The following TDRD5 variants were observed in gnomAD, a reference collection of about 807,000 sequenced individuals.
TDRD5 encodes tudor domain containing 5.
TDRD5 carries 41 observed loss-of-function variants against 120.6 expected under a neutral mutation model. That is an observed-to-expected ratio of 0.34 (90% CI 0.26 to 0.44). TDRD5 has a LOEUF of 0.44. Among genes scored for constraint, TDRD5 ranks in the 20% least tolerant of loss-of-function variants. The pLI is 1.00. For missense variants in TDRD5, 1,006 were observed against 1,221.2 expected (o/e 0.82, Z 2.63); for synonymous variants, 430 against 433.7 (o/e 0.99, Z 0.11).
chr1:179,669,383 G>A lies in TDRD5; in HGVS notation c.2839G>A (p.Ala947Thr), dbSNP rs201146333. ...PCSTTAVDDS[A>T]EKPSGSVESS... Reference sequence around the variant, plus strand: ...TTCAACAACTGCAGTGGATGATTCCGCAGAAAAGCCCTCTGGTTCTGGTAT... The same window carrying A: ...TTCAACAACTGCAGTGGATGATTCCACAGAAAAGCCCTCTGGTTCTGGTAT... Residue 947 changes from alanine (A) to threonine (T), a missense_variant, in exon 17 of 18, where the codon GCA (alanine) becomes ACA (threonine). Around this residue, in one of 3 missense-constraint regions of TDRD5, gnomAD observed 403 missense variants for 448.1 expected, o/e 0.90. Coordinates refer to ENST00000444136, the MANE Select transcript of TDRD5 (RefSeq NM_001199085.3). The A allele has an allele frequency of 1.0e-4, 167 of 1,614,106 alleles. 1 individual carries two copies. The Admixed American group carries it at 2.3e-3, about 23-fold the overall frequency.
At chr1:179,633,080 A>G (rs938823931) in intron 7 of TDRD5, among the ~76,000 whole-genome samples, 6 of 152,220 alleles carry the variant, frequency 3.9e-5, no homozygotes, top group Non-Finnish European at 7.3e-5. Context: ...AAGAAAGTCA[A>G]ACCACTGTGG....
At chr1:179,630,454 C>T (rs1170215898) in intron 6 of TDRD5, among the ~76,000 whole-genome samples, 1 of 150,310 alleles carries the variant, frequency 6.7e-6, no homozygotes, top group Non-Finnish European at 1.5e-5. Context: ...GTGCATTCTC[C>T]TCTTGTTTTT....
intron 12 of TDRD5, among the ~76,000 whole-genome samples, chr1:179,651,597 TG>T (rs1678715503): frequency 6.6e-6 from 1 of 152,236 alleles, no homozygotes; most frequent in Non-Finnish European, 1.5e-5. Flanking sequence ...CTGTCAATAA[TG>T]GACACATTTT....
At chr1:179,633,131 T>C (rs1380429162) in intron 7 of TDRD5, among the ~76,000 whole-genome samples, 3 of 152,196 alleles carry the variant, frequency 2.0e-5, no homozygotes, top group Non-Finnish European at 4.4e-5. Context: ...ACACTTCATA[T>C]ACTATGGGTG....
chr1:179,645,337 G>A (rs537452559), intron 11 of TDRD5, among the ~76,000 whole-genome samples: 7 of 151,758 alleles, frequency 4.6e-5, no homozygotes, highest in Non-Finnish European at 7.4e-5. Context: ...CGCCCGCCTC[G>A]GCCTCCCAAA....
intron 11 of TDRD5, among the ~76,000 whole-genome samples, chr1:179,648,457 G>A (rs538710224): frequency 5.5e-5 from 3 of 54,134 alleles, no homozygotes; most frequent in South Asian, 8.3e-4. Context: ...TGGGGTGGGG[G>A]GGGGGAGGGA....
rs181109608 is a variant in TDRD5, at chr1:179,639,870, C to G, written c.1552C>G (p.Arg518Gly). ...RCYSNQLVSD[R>G]YVMPECFIQP... The stretch of plus-strand genomic sequence containing the variant: ...TTATTCTAATCAGCTGGTTTCTGAT[C>G]GATATGTCATGCCAGAATGTTTTAT... Residue 518 changes from arginine (R) to glycine (G), a missense_variant, in exon 10 of 18, where the codon CGA becomes GGA. Physicochemically the swap from Arg to Gly is moderately radical, Grantham distance 125 (BLOSUM62 -2). Transcript: ENST00000444136. The G allele has an allele frequency of 6.2e-7, 1 of 1,614,010 alleles. No homozygotes were observed. The highest frequency in any genetic ancestry group is 2.2e-5 in the East Asian group (1 of 44,860).
At chr1:179,667,807 G>A (rs1208488597) in intron 16 of TDRD5, among the ~76,000 whole-genome samples, 2 of 151,990 alleles carry the variant, frequency 1.3e-5, no homozygotes, top group Admixed American at 1.3e-4. Flanking sequence ...TATACACACA[G>A]GCATTTATAT....
chr1:179,610,417 A>G (rs1456115495), intron 4 of TDRD5, among the ~76,000 whole-genome samples: 1 of 152,220 alleles, frequency 6.6e-6, no homozygotes, highest in Non-Finnish European at 1.5e-5. Flanking sequence ...AAAGATTATC[A>G]TGAATTGTTC....
intron 4 of TDRD5, 65 bp from the exon 5 acceptor site, chr1:179,618,534 G>T: frequency 8.1e-7 from 1 of 1,232,328 alleles, no homozygotes; most frequent in South Asian, 1.4e-5. Flanking sequence ...ATATTGCTTA[G>T]ATCTACCTTT....
At chr1:179,689,125 A>T (rs921814168) in intron 17 of TDRD5, among the ~76,000 whole-genome samples, 3 of 152,116 alleles carry the variant, frequency 2.0e-5, no homozygotes, top group Admixed American at 6.5e-5. Flanking sequence ...GGAGAAGAGG[A>T]GCTCTGATTT....
intron 6 of TDRD5, among the ~76,000 whole-genome samples, chr1:179,624,513 G>A (rs2101981524): frequency 1.3e-5 from 2 of 152,216 alleles, no homozygotes; most frequent in Middle Eastern, 6.8e-3. Flanking sequence ...TGTTCATATA[G>A]AATATACTAA....
chr1:179,630,811 A>G lies in TDRD5; in HGVS notation c.1017A>G (p.Leu339=). 2 of 1,614,020 alleles carry G rather than the reference A, an allele frequency of 1.2e-6. No individual in the cohort carries two copies. The highest frequency in any genetic ancestry group is 1.7e-6 in the Non-Finnish European group (2 of 1,180,000). Residue 339 remains leucine (L), a synonymous_variant, in exon 7 of 18, where the codon TTA becomes TTG. Coordinates refer to ENST00000444136, the MANE Select transcript of TDRD5 (RefSeq NM_001199085.3). ...TATCACCAAAAAAATTAGGCTTCTT[A>G]AATGTGACAGAACTTGTTGGAGCTC... ...EQLSPKKLGF[L]NVTELVGALS... is the part of the protein sequence containing the mutation.
intron 6 of TDRD5, among the ~76,000 whole-genome samples, chr1:179,626,768 A>G (rs1413831878): frequency 6.6e-6 from 1 of 152,202 alleles, no homozygotes; most frequent in Non-Finnish European, 1.5e-5. Flanking sequence ...ATCTTAGGAA[A>G]AAAAGGAAAG....
chr1:179,659,475 GTCTT>G (rs137949013), intron 14 of TDRD5, among the ~76,000 whole-genome samples: 3,503 of 151,652 alleles, frequency 0.023, 61 homozygotes, highest in Non-Finnish European at 0.039. Context: ...ATTATGAAAT[GTCTT>G]TATTCACAAT....
chr1:179,634,725 C>A, intron 8 of TDRD5, 96 bp downstream of exon 8: 1 of 1,367,294 alleles, frequency 7.3e-7, no homozygotes, highest in Non-Finnish European at 9.8e-7. Context: ...TTAGAAAAGT[C>A]TTATTTCTGG....
chr1:179,642,789 C>CT (rs1478077753), intron 11 of TDRD5, among the ~76,000 whole-genome samples: 1 of 152,056 alleles, frequency 6.6e-6, no homozygotes, highest in Admixed American at 6.6e-5. Flanking sequence ...ATTTCTGTGT[C>CT]TTTTTTTCTG....
intron 14 of TDRD5, among the ~76,000 whole-genome samples, chr1:179,660,410 C>T (rs1679248936): frequency 1.3e-5 from 2 of 151,514 alleles, no homozygotes; most frequent in Admixed American, 6.6e-5. Flanking sequence ...TCAGTAGAGA[C>T]GGGGTTTCAC....
chr1:179,592,721 C>T lies in TDRD5; in HGVS notation c.106C>T (p.Leu36Phe). The change falls in exon 2 of 18, where the codon CTT becomes TTT. Residue 36 changes from leucine to phenylalanine, a missense_variant. By Grantham distance (22) the Leu-to-Phe change is conservative. Around this residue, in one of 3 missense-constraint regions of TDRD5, gnomAD observed 445 missense variants for 515.5 expected, o/e 0.86. Coordinates refer to ENST00000444136, the MANE Select transcript of TDRD5 (RefSeq NM_001199085.3). Reference sequence around the variant, plus strand: ...CCCACAGGAGTTGGAGAAGGAGTACCTTTTGATGGTTGGCAACCATCTACC... The same window carrying T: ...CCCACAGGAGTTGGAGAAGGAGTACTTTTTGATGGTTGGCAACCATCTACC... ...LSPQELEKEYLLMVGNHLPLR... is the reference protein window; with the variant it reads ...LSPQELEKEYFLMVGNHLPLR... 2 of 1,614,024 alleles carry T rather than the reference C, an allele frequency of 1.2e-6. No homozygotes were observed. Among genetic ancestry groups the T allele is most frequent in the South Asian group, 2.2e-5 (2 of 91,076 alleles).
Sources: allele counts gnomAD v4.1 joint callset (sites outside exome capture counted in the v4.1 genomes callset), GRCh38; gene constraint gnomAD v4.1.1; regional missense constraint gnomAD v4.1.1; transcripts MANE v1.5; gene names NCBI Gene and HGNC (gene_info 2026-07-23, HGNC 2026-07-21).